Variants in PRKD2 observed in about 807,000 individuals in gnomAD.
The protein encoded by PRKD2 is protein kinase D2, also known as serine/threonine-protein kinase D2.
In PRKD2, 22 loss-of-function variants were observed where a neutral mutation model predicts 86.0. That is an observed-to-expected ratio of 0.26 (90% CI 0.18 to 0.37). PRKD2 has a LOEUF of 0.37. Ranked by LOEUF, PRKD2 falls within the 10% of genes least tolerant of loss-of-function variation. The pLI, the probability that PRKD2 is intolerant of heterozygous loss-of-function variation, is 1.00. For synonymous variants in PRKD2, 509 were observed against 510.9 expected, an observed-to-expected ratio of 1.00 and a Z score of 0.05; for missense variants, 818 against 1,199.2, an observed-to-expected ratio of 0.68 and a Z score of 4.70.
chr19:46,697,846 G>A lies in PRKD2; in HGVS notation c.1126C>T (p.Leu376=). 1 of 1,612,796 alleles carries A rather than the reference G, an allele frequency of 6.2e-7. No homozygotes were observed. Among genetic ancestry groups the A allele is most frequent in the Non-Finnish European group, 8.5e-7 (1 of 1,178,842 alleles). The change falls in exon 8 of 18, where the codon CTG becomes TTG. Residue 376 remains leucine (L), a synonymous_variant. Transcript: ENST00000291281. ...EGEGGKAQSS[L]GYIPLMRVVQ... Reference sequence around the variant, plus strand: ...ACCCTCATTAGGGGGATGTACCCCAGGGAGCTGCGAAGGAAGAGGAAGGGG... The same window carrying A: ...ACCCTCATTAGGGGGATGTACCCCAAGGAGCTGCGAAGGAAGAGGAAGGGG...
intron 14 of PRKD2, chr19:46,688,742 T>A (rs1445778742): frequency 2.0e-5 from 3 of 152,218 alleles, no homozygotes; most frequent in Non-Finnish European, 1.5e-5. Context: ...TGGCATACTC[T>A]TTATTTTTAA....
At chr19:46,707,372 G>A (rs1214997851) in intron 3 of PRKD2, among the ~76,000 whole-genome samples, 1 of 151,800 alleles carries the variant, frequency 6.6e-6, no homozygotes, top group Non-Finnish European at 1.5e-5. Context: ...TGGGGAGGCT[G>A]AGGAGGGTGG....
chr19:46,694,473 T>G (rs576092751), intron 9 of PRKD2, among the ~76,000 whole-genome samples: 2 of 152,166 alleles, frequency 1.3e-5, no homozygotes, highest in African/African-American at 2.4e-5. Context: ...TGTGCGCCTG[T>G]AATCCCAGCT....
At position 46,711,001 on chromosome 19, in the gene PRKD2, G is replaced by A. The variant is rs777929109; in HGVS notation, c.417C>T (p.His139=). 1.3e-6 allele frequency: 2 copies of A among 1,580,858 alleles called. No homozygotes were observed. The highest frequency in any genetic ancestry group is 2.3e-5 in the East Asian group (1 of 43,204). The part of the protein sequence containing the change: ...ATFEDFQIRP[H]ALTVHSYRAP... ...CCCGATAGGAGTGCACCGTGAGGGC[G>A]TGCGGGCGGATCTGGAAGTCCTCGA... Residue 139 remains histidine, a synonymous_variant, in exon 3 of 18, where the codon CAC becomes CAT. Coordinates refer to ENST00000291281, the MANE Select transcript of PRKD2 (RefSeq NM_016457.5).
chr19:46,706,515 C>T (rs1490772871), intron 3 of PRKD2, among the ~76,000 whole-genome samples: 1 of 152,222 alleles, frequency 6.6e-6, no homozygotes, highest in Non-Finnish European at 1.5e-5. Context: ...TTGAATCACT[C>T]ATGTGCCTTC....
At chr19:46,704,761 C>G (rs1412029878) in intron 3 of PRKD2, 112 bp from the exon 4 acceptor site, 3 of 1,346,202 alleles carry the variant, frequency 2.2e-6, no homozygotes, top group East Asian at 4.9e-5. Flanking sequence ...CCCATCACCC[C>G]CCGCCAGCAC....
rs552883177 is a variant in PRKD2, at chr19:46,696,733, G to A, written c.1317+424C>T. ...TCGCGCCACTGCACTCCAGCTGGGC[G>A]ACAGAGTGAGACTCTGTCTCAAAAA... On this transcript the variant is annotated intron_variant, in intron 9 of 17. Coordinates refer to ENST00000291281, the MANE Select transcript of PRKD2 (RefSeq NM_016457.5). Among the ~76,000 whole-genome samples the A allele has an allele frequency of 2.6e-5, 4 of 152,178 alleles. No homozygotes were observed. The South Asian group carries it at 8.3e-4, about 32-fold the overall frequency.
At chr19:46,713,219 G>T in intron 2 of PRKD2, among the ~76,000 whole-genome samples, 1 of 144,852 alleles carries the variant, frequency 6.9e-6, no homozygotes. Context: ...AAGAGATGGG[G>T]TCTCCTTATG....
In PRKD2 at chr19:46,704,508, G is replaced by A. The variant is rs767240469; in HGVS notation, c.653C>T (p.Thr218Met). The A allele has an allele frequency of 1.4e-5, 22 of 1,614,130 alleles. No homozygotes were observed. The South Asian group carries it at 2.1e-4, about 15-fold the overall frequency. The change falls in exon 4 of 18, where the codon ACG becomes ATG. Residue 218 changes from threonine (T) to methionine (M), a missense_variant. Transcript: ENST00000291281. ...RLGTSESLPC[T>M]AEELSRSTTE... ...CCATCTCCTCACCAGCTCTTCAGCC[G>A]TGCAGGGCAGGGACTCGGAGGTGCC...
At chr19:46,689,488 C>G (rs1190423131) in intron 14 of PRKD2, 49 bp downstream of exon 14, 10 of 1,552,986 alleles carry the variant, frequency 6.4e-6, no homozygotes, top group Non-Finnish European at 8.7e-6. Flanking sequence ...CCTCTCCAAG[C>G]TGACACCTGA....
chr19:46,678,465 T>C lies in PRKD2; in HGVS notation c.2269A>G (p.Ile757Val), dbSNP rs755714612. ...GCGGCGTTCTGGATCTGGTCATTGA[T>C]GTCCTCATCCTCGTTGAAAGGGAAG... ...GTFPFNEDED[I>V]NDQIQNAAFM... The change falls in exon 16 of 18, where the codon ATC (isoleucine) becomes GTC (valine). Residue 757 changes from isoleucine to valine, a missense_variant. Around this residue, in one of 5 missense-constraint regions of PRKD2, gnomAD observed 154 missense variants for 359.6 expected, o/e 0.43. Coordinates refer to ENST00000291281, the MANE Select transcript of PRKD2 (RefSeq NM_016457.5). This position sits in a 1 kb window ranked among gnomAD's most constrained non-coding sequence, Gnocchi z 5.7. 1.9e-6 allele frequency: 3 copies of C among 1,614,200 alleles called. No homozygotes were observed. Among genetic ancestry groups the C allele is most frequent in the Non-Finnish European group, 2.5e-6 (3 of 1,180,030 alleles).
rs1328749200 is a variant in PRKD2, at chr19:46,680,850, T to A, written c.2070+800A>T. ...TCCCAAAGTGCGGGGATTATAGGCA[T>A]GAGCCACCTCCCCTGGCCTTAATAA... On this transcript the variant is annotated intron_variant, in intron 15 of 17. Transcript: ENST00000291281. Among the ~76,000 whole-genome samples, 3 of 148,468 alleles carry A rather than the reference T, an allele frequency of 2.0e-5. No homozygotes were observed. The East Asian group carries it at 6.0e-4, about 30-fold the overall frequency.
chr19:46,710,835 C>A, intron 3 of PRKD2, 72 bp downstream of exon 3: 2 of 1,455,714 alleles, frequency 1.4e-6, no homozygotes, highest in Non-Finnish European at 1.8e-6. Context: ...TGTCCCCGTG[C>A]CAGGACCATT....
chr19:46,690,769 A>G, intron 12 of PRKD2, 63 bp from the exon 13 acceptor site: 2 of 1,430,806 alleles, frequency 1.4e-6, no homozygotes, highest in African/African-American at 1.4e-5. Flanking sequence ...TGGCAGGAGT[A>G]TCTCCACCTC....
chr19:46,699,428 C>A (rs1161512290), intron 7 of PRKD2, among the ~76,000 whole-genome samples: 3 of 152,222 alleles, frequency 2.0e-5, no homozygotes, highest in Non-Finnish European at 4.4e-5. Context: ...TAGCTGTGTG[C>A]TTGAACACAG....
rs2053515717 is a variant in PRKD2, at chr19:46,693,829, C to T, written c.1576+46G>A. On this transcript the variant is annotated intron_variant, in intron 10 of 17. Coordinates refer to ENST00000291281, the MANE Select transcript of PRKD2 (RefSeq NM_016457.5). The surrounding 1 kb of genome is among the most constrained non-coding windows in gnomAD (Gnocchi z 4.5). Reference sequence around the variant, plus strand: ...TTCCATTCCCCAGAACCGTGCCCCACCCATCTAGATCTATTCTCTCAAGGA... The same window carrying T: ...TTCCATTCCCCAGAACCGTGCCCCATCCATCTAGATCTATTCTCTCAAGGA... 1 of 1,540,826 alleles carries T rather than the reference C, an allele frequency of 6.5e-7. No individual in the cohort carries two copies. Among genetic ancestry groups the T allele is most frequent in the Non-Finnish European group, 8.7e-7 (1 of 1,145,824 alleles).
chr19:46,701,825 C>G (rs2053639420), intron 5 of PRKD2, among the ~76,000 whole-genome samples: 1 of 151,898 alleles, frequency 6.6e-6, no homozygotes, highest in Non-Finnish European at 1.5e-5. Flanking sequence ...GCATCTCTGA[C>G]TTCTACCTAC....
In PRKD2 at chr19:46,697,184, C is replaced by A; in HGVS notation, c.1290G>T (p.Gln430His). The A allele has an allele frequency of 6.3e-7, 1 of 1,596,724 alleles. No homozygotes were observed. The highest frequency in any genetic ancestry group is 1.7e-5 in the Admixed American group (1 of 59,968). ...RLDCKCITLF[Q>H]NNTTNRYYKE... Reference sequence around the variant, plus strand: ...TATAGTATCTGTTGGTCGTGTTGTTCTGGAAGAGCGTGATACACTTGCAGT... The same window carrying A: ...TATAGTATCTGTTGGTCGTGTTGTTATGGAAGAGCGTGATACACTTGCAGT... Residue 430 changes from glutamine to histidine, a missense_variant, in exon 9 of 18, where the codon CAG becomes CAT. Gln to His is a conservative substitution (Grantham distance 24). This residue lies in a region of PRKD2 where 127 missense variants were observed against 157.8 expected (regional missense o/e 0.80). Transcript: ENST00000291281.
At chr19:46,690,450 C>T in intron 13 of PRKD2, 150 bp downstream of exon 13, 1 of 665,502 alleles carries the variant, frequency 1.5e-6, no homozygotes, top group East Asian at 2.8e-5. Flanking sequence ...GGTCTTTGTA[C>T]AGGCTGGTCC....
Sources: gnomAD v4.1 joint callset for allele counts (sites outside exome capture counted in the v4.1 genomes callset) on GRCh38, gnomAD v4.1.1 for gene constraint, gnomAD v4.1.1 regional missense constraint, Gnocchi (gnomAD v3.1) non-coding constraint, MANE v1.5 for transcripts, NCBI Gene and HGNC (gene_info 2026-07-23, HGNC 2026-07-21) for gene names.